Variants in ATR observed in about 807,000 individuals in gnomAD.
ATR encodes ATR checkpoint kinase.
Under a neutral mutation model 305.3 loss-of-function variants are expected in ATR, and 142 were observed. The observed-to-expected ratio is 0.47, with a 90% confidence interval of 0.41 to 0.53. The LOEUF is 0.53. Ranked by LOEUF, ATR falls within the 20% of genes least tolerant of loss-of-function variation. ATR has a pLI of 0.00. For synonymous variants in ATR, 1,050 were observed against 1,068.1 expected, an observed-to-expected ratio of 0.98 and a Z score of 0.33; for missense variants, 2,135 against 3,133.1, an observed-to-expected ratio of 0.68 and a Z score of 7.60.
intron 16 of ATR, among the ~76,000 whole-genome samples, chr3:142,546,708 A>G (rs1036153141): frequency 1.3e-5 from 2 of 152,182 alleles, no homozygotes; most frequent in Non-Finnish European, 2.9e-5. Flanking sequence ...AAGAAAATCA[A>G]GACAATGTGG....
chr3:142,465,049 T>C (rs2071096487), intron 41 of ATR, 48 bp downstream of exon 41: 1 of 1,248,886 alleles, frequency 8.0e-7, no homozygotes, highest in African/African-American at 1.6e-5. Flanking sequence ...AAAAATTTTT[T>C]TAAAATAAAA....
At chr3:142,486,435 G>T (rs1378713507) in intron 35 of ATR, among the ~76,000 whole-genome samples, 4 of 151,898 alleles carry the variant, frequency 2.6e-5, no homozygotes, top group African/African-American at 9.7e-5. Flanking sequence ...CTTCTTTCCT[G>T]CCTGTCTTCC....
At chr3:142,494,123 C>T (rs981565715) in intron 34 of ATR, among the ~76,000 whole-genome samples, 6 of 151,374 alleles carry the variant, frequency 4.0e-5, no homozygotes, top group Non-Finnish European at 8.9e-5. Context: ...ACAAGTATAA[C>T]AACTGTTTAC....
chr3:142,532,651 T>C lies in ATR; in HGVS notation c.3945+2429A>G, dbSNP rs868618519. Reference sequence around the variant, plus strand: ...GTATCTAATGCTATACCAGCGATCATCTTATTAACTTTCCTATCACCACCT... The same window carrying C: ...GTATCTAATGCTATACCAGCGATCACCTTATTAACTTTCCTATCACCACCT... On this transcript the variant is annotated intron_variant, in intron 21 of 46. Coordinates refer to ENST00000350721, the MANE Select transcript of ATR (RefSeq NM_001184.4). Among the ~76,000 whole-genome samples the C allele has an allele frequency of 2.6e-5, 4 of 152,344 alleles. No individual in the cohort carries two copies. The Middle Eastern group carries it at 0.01, about 389-fold the overall frequency.
intron 41 of ATR, among the ~76,000 whole-genome samples, chr3:142,463,543 T>C (rs112035807): frequency 0.018 from 2,746 of 152,222 alleles, 24 homozygotes; most frequent in East Asian, 0.029. Context: ...AATACTGGCG[T>C]ACACCACCAT....
At chr3:142,577,340 T>C (rs1164785953) in intron 1 of ATR, among the ~76,000 whole-genome samples, 1 of 152,226 alleles carries the variant, frequency 6.6e-6, no homozygotes, top group African/African-American at 2.4e-5. Context: ...CAGTTAATTC[T>C]ACTTTAAAGC....
intron 30 of ATR, among the ~76,000 whole-genome samples, chr3:142,501,453 G>A (rs1156477194): frequency 1.3e-5 from 2 of 152,042 alleles, no homozygotes; most frequent in African/African-American, 2.4e-5. Flanking sequence ...GAACTTCTCT[G>A]CCCTTAGACA....
chr3:142,560,840 G>A (rs1005374861), intron 5 of ATR, among the ~76,000 whole-genome samples: 5 of 152,186 alleles, frequency 3.3e-5, no homozygotes, highest in Non-Finnish European at 5.9e-5. Flanking sequence ...GATTACAGGC[G>A]TGAGCCACCG....
chr3:142,512,228 A>C, intron 27 of ATR, 32 bp downstream of exon 27: 5 of 1,546,128 alleles, frequency 3.2e-6, no homozygotes, highest in Non-Finnish European at 4.4e-6. Context: ...GCTAAAAAAA[A>C]AAAAAAAAAA....
chr3:142,502,118 T>C (rs1577582598), intron 30 of ATR, among the ~76,000 whole-genome samples: 1 of 152,152 alleles, frequency 6.6e-6, no homozygotes, highest in Non-Finnish European at 1.5e-5. Context: ...ACTTATACAC[T>C]GTTGGTGGGA....
chr3:142,559,661 T>C (rs1206057954), intron 6 of ATR, among the ~76,000 whole-genome samples: 1 of 152,210 alleles, frequency 6.6e-6, no homozygotes, highest in Non-Finnish European at 1.5e-5. Flanking sequence ...CAAATGACTT[T>C]GGGAGCCTGA....
chr3:142,464,397 G>A (rs2071084039), intron 41 of ATR, among the ~76,000 whole-genome samples: 1 of 152,092 alleles, frequency 6.6e-6, no homozygotes, highest in African/African-American at 2.4e-5. Flanking sequence ...AAAGTGTTAG[G>A]CTTACAGGTA....
In ATR at chr3:142,527,209, T is replaced by C. The variant is rs377388337; in HGVS notation, c.3946-3010A>G. ...TTCATGCTATCTTTTTTCGGTCTAC[T>C]GAACACTGTTATATATTGCCGCTTT... is the stretch of plus-strand genomic sequence containing the variant. On this transcript the variant is annotated intron_variant, in intron 21 of 46. Transcript: ENST00000350721. Among the ~76,000 whole-genome samples the C allele has an allele frequency of 2.0e-5, 3 of 152,320 alleles. No individual in the cohort carries two copies. In the East Asian group the frequency reaches 5.8e-4, roughly 29 times the overall value.
chr3:142,488,749 G>A (rs928923210), intron 35 of ATR, among the ~76,000 whole-genome samples: 1 of 152,114 alleles, frequency 6.6e-6, no homozygotes, highest in African/African-American at 2.4e-5. Context: ...TGACAGAGAA[G>A]CTTCTTGGTT....
chr3:142,554,692 TG>T (rs1400567153), intron 10 of ATR, among the ~76,000 whole-genome samples: 1 of 151,958 alleles, frequency 6.6e-6, no homozygotes, highest in Non-Finnish European at 1.5e-5. Context: ...GAGGCCAAGG[TG>T]GGAGGATCAC....
At position 142,562,456 on chromosome 3, in the gene ATR, C is replaced by T. The variant is rs28897764; in HGVS notation, c.946G>A (p.Val316Ile). 0.02 allele frequency: 31,710 copies of T among 1,614,050 alleles called. 399 individuals carry two copies. The highest frequency in any genetic ancestry group is 0.041 in the South Asian group (3,753 of 91,072). The change falls in exon 4 of 47, where the codon GTC (valine) becomes ATC (isoleucine). Residue 316 changes from valine to isoleucine, a missense_variant. By Grantham distance (29) the Val-to-Ile change is conservative. Around this residue, in one of 9 missense-constraint regions of ATR, gnomAD observed 744 missense variants for 873.2 expected, o/e 0.85. Transcript: ENST00000350721. ...TTTTCCAGCAGCATATTTAAATAGA[C>T]AGGTTCAATATTTCTATAAGCTTCT... ...EAEAYRNIEP[V>I]YLNMLLEKLC...
rs764800468 is a variant in ATR, at chr3:142,469,358, C to T, written c.6531G>A (p.Trp2177Ter). 1 of 1,613,596 alleles carries T rather than the reference C, an allele frequency of 6.2e-7. No individual in the cohort carries two copies. The highest frequency in any genetic ancestry group is 8.5e-7 in the Non-Finnish European group (1 of 1,179,742). The change falls in exon 38 of 47, where the codon TGG (tryptophan) becomes TGA (stop). Residue 2177 changes from tryptophan to a stop codon, truncating the protein, a stop_gained. Transcript: ENST00000350721. LOFTEE classifies it high-confidence loss of function. ...VFLAYPQQAMWMMTAVSKSSY... is the reference protein window; with the variant it reads ...VFLAYPQQAM ...TTACCTTTGACACAGCTGTCATCAT[C>T]CACATTGCTTGTTGAGGATAGGCTA... is the stretch of plus-strand genomic sequence containing the variant.
chr3:142,543,908 C>T (rs372988381), intron 16 of ATR, among the ~76,000 whole-genome samples: 1 of 152,102 alleles, frequency 6.6e-6, no homozygotes, highest in East Asian at 2.0e-4. Context: ...TGGGCTCAAG[C>T]AATCCTCCTG....
At chr3:142,465,335 G>C (rs1306404461) in intron 40 of ATR, 95 bp from the exon 41 acceptor site, 6 of 804,150 alleles carry the variant, frequency 7.5e-6, no homozygotes, top group Non-Finnish European at 1.2e-5. Context: ...AAAAAAAAAA[G>C]AATATTACCA....
Sources: gnomAD v4.1 joint callset for allele counts (sites outside exome capture counted in the v4.1 genomes callset) on GRCh38, gnomAD v4.1.1 for gene constraint, gnomAD v4.1.1 regional missense constraint, MANE v1.5 for transcripts, NCBI Gene and HGNC (gene_info 2026-07-23, HGNC 2026-07-21) for gene names.